CAMKK2: variants seen among roughly 807,000 people sequenced by gnomAD.
CAMKK2 encodes the protein calcium/calmodulin dependent protein kinase kinase 2, also known as calcium/calmodulin-dependent protein kinase kinase 2.
In CAMKK2, 30 loss-of-function variants were observed where a neutral mutation model predicts 67.2. That is an observed-to-expected ratio of 0.45 (90% confidence interval 0.33 to 0.61). The LOEUF (loss-of-function observed/expected upper bound fraction) is 0.61, where lower values mean the gene tolerates loss of function less well. CAMKK2 is among the 20% of genes least tolerant of loss of function. CAMKK2 has a pLI of 0.02. For missense variants in CAMKK2, 643 were observed against 802.0 expected (o/e 0.80, Z 2.39); for synonymous variants, 322 against 326.2 (o/e 0.99, Z 0.14).
chr12:121,278,524 C>A (rs1324061675), intron 1 of CAMKK2, among the ~76,000 whole-genome samples: 1 of 152,144 alleles, frequency 6.6e-6, no homozygotes, highest in Non-Finnish European at 1.5e-5. Flanking sequence ...GTGGGAGGGA[C>A]CCAGTGGGAG....
intron 7 of CAMKK2, 89 bp downstream of exon 7, chr12:121,260,230 G>A: frequency 8.9e-7 from 1 of 1,128,896 alleles, no homozygotes; most frequent in Non-Finnish European, 1.3e-6. Flanking sequence ...GGTGGAAGGT[G>A]CCAGGGCACA....
At position 121,253,611 on chromosome 12, in the gene CAMKK2, C is replaced by T. The variant is rs1244227901; in HGVS notation, c.908-139G>A. Reference sequence around the variant, plus strand: ...CCCACAGCCCCAGGCCTTTTCCAACCTTCCACTCCCCAAACCCGCTGGGCA... The same window carrying T: ...CCCACAGCCCCAGGCCTTTTCCAACTTTCCACTCCCCAAACCCGCTGGGCA... On this transcript the variant is annotated intron_variant, in intron 9 of 16. Transcript: ENST00000404169. The surrounding 1 kb of genome is among the most constrained non-coding windows in gnomAD (Gnocchi z 5.0). The T allele has an allele frequency of 2.1e-5, 15 of 713,542 alleles. No individual in the cohort carries two copies. The highest frequency in any genetic ancestry group is 3.4e-4 in the Middle Eastern group (1 of 2,904). The allele number at this position is 713,542 out of a possible 1,614,324, so 44.2% of individuals were successfully genotyped here. A position where few individuals can be genotyped will look rare whatever the true frequency, so the allele number is the denominator to read the frequency against.
chr12:121,276,016 CAAGTG>C (rs1896729681), intron 1 of CAMKK2, among the ~76,000 whole-genome samples: 1 of 150,214 alleles, frequency 6.7e-6, no homozygotes, highest in Non-Finnish European at 1.5e-5. Context: ...AAAAATTAGC[CAAGTG>C]TGGTGATGTA....
chr12:121,240,410 A>G lies in CAMKK2; in HGVS notation c.*289T>C. On this transcript the variant is annotated 3_prime_UTR_variant, in exon 17 of 17. Coordinates refer to ENST00000404169, the MANE Select transcript of CAMKK2 (RefSeq NM_001270485.2). This position sits in a 1 kb window ranked among gnomAD's most constrained non-coding sequence, Gnocchi z 4.4. ...AATCACAATGAAGGATTTTTGGCATAAAAACGTTTTAAAAAGCAATTGTCC... is the reference window on the plus strand; with the variant it reads ...AATCACAATGAAGGATTTTTGGCATGAAAACGTTTTAAAAAGCAATTGTCC... The G allele has an allele frequency of 6.6e-7, 1 of 1,508,170 alleles. No individual in the cohort carries two copies. Among genetic ancestry groups the G allele is most frequent in the South Asian group, 1.2e-5 (1 of 81,040 alleles). 93.4% of individuals were successfully genotyped at this position (1,508,170 alleles called of 1,614,324 possible). A position where few individuals can be genotyped will look rare whatever the true frequency, so the allele number is the denominator to read the frequency against.
chr12:121,244,470 G>A (rs1889008915), intron 16 of CAMKK2, 103 bp downstream of exon 16: 1 of 1,131,812 alleles, frequency 8.8e-7, no homozygotes, highest in South Asian at 1.4e-5. Flanking sequence ...GCCCAGGCTG[G>A]AAGGAGCATC....
At chr12:121,261,500 G>T (rs545381122) in intron 6 of CAMKK2, among the ~76,000 whole-genome samples, 1 of 152,198 alleles carries the variant, frequency 6.6e-6, no homozygotes, top group East Asian at 1.9e-4. Context: ...CCCTCATCAC[G>T]TCCGCTTTCT....
intron 10 of CAMKK2, 92 bp from the exon 11 acceptor site, chr12:121,252,806 A>G: frequency 7.7e-7 from 1 of 1,305,506 alleles, no homozygotes. Flanking sequence ...CTTGACTTTC[A>G]GCCCTTGGAG....
In CAMKK2 at chr12:121,270,452, G is replaced by T. The variant is rs367794182; in HGVS notation, c.519+446C>A. 5.2e-4 allele frequency among the ~76,000 whole-genome samples: 78 copies of T among 151,386 alleles called. 3 individuals carry two copies. In the East Asian group the frequency reaches 0.014, roughly 27 times the overall value. ...CTATATGTAGCCCTCATTTCCATATGTTAATGGTTTGCCACTGTCCTTACC... is the reference window on the plus strand; with the variant it reads ...CTATATGTAGCCCTCATTTCCATATTTTAATGGTTTGCCACTGTCCTTACC... On this transcript the variant is annotated intron_variant, in intron 3 of 16. Transcript: ENST00000404169.
At chr12:121,264,884 T>C (rs562297947) in intron 5 of CAMKK2, among the ~76,000 whole-genome samples, 1 of 150,704 alleles carries the variant, frequency 6.6e-6, no homozygotes, top group Admixed American at 6.6e-5. Context: ...GGTGGGAGGA[T>C]CACCTGCGCC....
At chr12:121,281,059 G>A (rs1005796898) in intron 1 of CAMKK2, among the ~76,000 whole-genome samples, 3 of 152,166 alleles carry the variant, frequency 2.0e-5, no homozygotes, top group Admixed American at 6.5e-5. Context: ...GGGGCATCAC[G>A]GAACCTACCG....
intron 5 of CAMKK2, among the ~76,000 whole-genome samples, chr12:121,265,683 C>T (rs1894390080): frequency 6.6e-6 from 1 of 151,976 alleles, no homozygotes; most frequent in African/African-American, 2.4e-5. Flanking sequence ...CCTGGCCAAA[C>T]CCCGTCTCTA....
In CAMKK2 at chr12:121,274,125, C is replaced by T. The variant is rs201801372; in HGVS notation, c.402G>A (p.Pro134=). The change falls in exon 2 of 17, where the codon CCG becomes CCA. Residue 134 remains proline (P), a synonymous_variant. Coordinates refer to ENST00000404169, the MANE Select transcript of CAMKK2 (RefSeq NM_001270485.2). ...GCCGGGGCAGCCGAGGCGAGGACTG[C>T]GGGGAGCTGACGGGTGAGTAGGGCA... The part of the protein sequence containing the change: ...PSLPYSPVSS[P]QSSPRLPRRP... The T allele has an allele frequency of 1.3e-5, 20 of 1,571,662 alleles. No individual in the cohort carries two copies. The highest frequency in any genetic ancestry group is 1.7e-4 in the Middle Eastern group (1 of 5,842).
intron 9 of CAMKK2, among the ~76,000 whole-genome samples, chr12:121,255,065 C>T (rs2668250): frequency 0.19 from 28,496 of 147,584 alleles, 3,247 homozygotes; most frequent in African/African-American, 0.29. Flanking sequence ...TGCTTCCTGC[C>T]CTCAAACGTC....
Position 121,255,776 on chromosome 12 carries a change from C to T in CAMKK2, c.818+7G>A. On this transcript the variant is annotated splice_region_variant and intron_variant, in intron 8 of 16. Transcript: ENST00000404169. Reference sequence around the variant, plus strand: ...GCATCACCCCTGCTGGGAGCTGGGACACTCACCCTTGGTTGACCAGTTCGA... The same window carrying T: ...GCATCACCCCTGCTGGGAGCTGGGATACTCACCCTTGGTTGACCAGTTCGA... The T allele has an allele frequency of 3.1e-6, 5 of 1,613,942 alleles. No individual in the cohort carries two copies. The highest frequency in any genetic ancestry group is 3.4e-6 in the Non-Finnish European group (4 of 1,179,874).
chr12:121,252,438 T>G (rs1890927937), intron 11 of CAMKK2, among the ~76,000 whole-genome samples: 1 of 152,158 alleles, frequency 6.6e-6, no homozygotes. Flanking sequence ...CTGGCTAATT[T>G]TTTGTATTTT....
intron 1 of CAMKK2, among the ~76,000 whole-genome samples, chr12:121,289,347 C>G (rs932457847): frequency 6.6e-6 from 1 of 152,338 alleles, no homozygotes; most frequent in African/African-American, 2.4e-5. Flanking sequence ...TCACTAACGT[C>G]CCCAACGGGG....
intron 1 of CAMKK2, among the ~76,000 whole-genome samples, chr12:121,281,991 G>A (rs1215807521): frequency 6.6e-6 from 1 of 152,058 alleles, no homozygotes; most frequent in Non-Finnish European, 1.5e-5. Flanking sequence ...GCACAGACTG[G>A]GGCAGAAGAC....
Position 121,296,493 on chromosome 12 carries a change from C to T in CAMKK2, c.-60+145G>A, listed in dbSNP as rs970030162. The T allele has an allele frequency of 3.3e-5, 5 of 151,870 alleles. No individual in the cohort carries two copies. Among genetic ancestry groups the T allele is most frequent in the Non-Finnish European group, 2.9e-5 (2 of 67,938 alleles). 9.4% of individuals were successfully genotyped at this position (151,870 alleles called of 1,614,324 possible). A position where few individuals can be genotyped will look rare whatever the true frequency, so the allele number is the denominator to read the frequency against. On this transcript the variant is annotated intron_variant, in intron 1 of 16. Coordinates refer to ENST00000404169, the MANE Select transcript of CAMKK2 (RefSeq NM_001270485.2). This position sits in a 1 kb window ranked among gnomAD's most constrained non-coding sequence, Gnocchi z 7.1. ...GGCGTGGGGAGGCGCACGTGGGGTCCCTCCGTGTTGGGAGCCCCAGGCCAG... is the reference window on the plus strand; with the variant it reads ...GGCGTGGGGAGGCGCACGTGGGGTCTCTCCGTGTTGGGAGCCCCAGGCCAG...
At chr12:121,281,501 G>A (rs1897783507) in intron 1 of CAMKK2, among the ~76,000 whole-genome samples, 1 of 152,226 alleles carries the variant, frequency 6.6e-6, no homozygotes, top group Non-Finnish European at 1.5e-5. Context: ...GCCCACAGAG[G>A]TCCTCAAGGA....
Sources: gnomAD v4.1 joint callset for allele counts (sites outside exome capture counted in the v4.1 genomes callset) on GRCh38, gnomAD v4.1.1 for gene constraint, Gnocchi (gnomAD v3.1) non-coding constraint, MANE v1.5 for transcripts, NCBI Gene and HGNC (gene_info 2026-07-23, HGNC 2026-07-21) for gene names.